Variants in WASHC2C observed in about 807,000 individuals in gnomAD.
The protein encoded by WASHC2C is WASH complex subunit 2C.
Under a neutral mutation model 142.2 loss-of-function variants are expected in WASHC2C, and 73 were observed. The ratio of observed to expected loss-of-function variants is 0.51; its 90% CI spans 0.43 to 0.62. The LOEUF (loss-of-function observed/expected upper bound fraction) is 0.62, where lower values mean the gene tolerates loss of function less well. WASHC2C is among the 20% of genes least tolerant of loss of function. WASHC2C has a pLI of 0.00. For synonymous variants in WASHC2C, 337 were observed against 565.5 expected, an observed-to-expected ratio of 0.60 and a Z score of 5.73; for missense variants, 969 against 1,531.7, an observed-to-expected ratio of 0.63 and a Z score of 6.13.
At position 45,790,518 on chromosome 10, in the gene WASHC2C, T is replaced by C. The variant is rs2058334517; in HGVS notation, c.3871T>C (p.Phe1291Leu). 1 of 1,611,828 alleles carries C rather than the reference T, an allele frequency of 6.2e-7. No homozygotes were observed. The highest frequency in any genetic ancestry group is 2.3e-4 in the Middle Eastern group (1 of 4,430). The stretch of plus-strand genomic sequence containing the variant: ...AAAGAAAGTGGAAGCCAAGTCTATA[T>C]TTGATGATGATATGGGTAAGTTTGG... ...SKKKVEAKSI[F>L]DDDMDDIFST... Residue 1291 changes from phenylalanine (F) to leucine (L), a missense_variant, in exon 30 of 31, where the codon TTT (phenylalanine) becomes CTT (leucine). Transcript: ENST00000623400.
chr10:45,785,299 A>ACT (rs1298781335), intron 25 of WASHC2C, among the ~76,000 whole-genome samples: 1 of 151,860 alleles, frequency 6.6e-6, no homozygotes, highest in East Asian at 1.9e-4. Context: ...TTTTGTAAGT[A>ACT]CTCTGTTTTC....
At chr10:45,790,560 T>C in intron 30 of WASHC2C, 27 bp downstream of exon 30, 1 of 1,612,008 alleles carries the variant, frequency 6.2e-7, no homozygotes, top group Non-Finnish European at 8.5e-7. Context: ...ACATCTGACC[T>C]AGAGAATTCT....
chr10:45,737,869 G>A (rs1452587249), intron 3 of WASHC2C, 114 bp from the exon 4 acceptor site: 4 of 1,601,002 alleles, frequency 2.5e-6, no homozygotes, highest in African/African-American at 2.7e-5. Context: ...GCCCTTTGCT[G>A]AATAACCATT....
intron 3 of WASHC2C, among the ~76,000 whole-genome samples, chr10:45,733,301 C>T (rs1357086703): frequency 6.6e-6 from 1 of 152,262 alleles, no homozygotes; most frequent in African/African-American, 2.4e-5. Context: ...GGGTCCAGCA[C>T]AAGCCTGATA....
At chr10:45,747,583 A>G (rs1242669723) in intron 8 of WASHC2C, among the ~76,000 whole-genome samples, 1 of 151,882 alleles carries the variant, frequency 6.6e-6, no homozygotes, top group Non-Finnish European at 1.5e-5. Context: ...GTAATAATGT[A>G]TTCAATATTT....
chr10:45,753,849 T>C (rs1777020935), intron 13 of WASHC2C, among the ~76,000 whole-genome samples: 2 of 151,958 alleles, frequency 1.3e-5, no homozygotes, highest in Admixed American at 1.3e-4. Context: ...TCTTTTTTTT[T>C]AACCTACAAA....
In WASHC2C at chr10:45,750,812, T is replaced by C; in HGVS notation, c.905T>C (p.Met302Thr). ...GCTGCCCGCATCAAGGGGGATGCCA[T>C]GGGTCGAGTGGACGAGGAGCCGACA... is the stretch of plus-strand genomic sequence containing the variant. ...ELAARIKGDA[M>T]GRVDEEPTTL... Residue 302 changes from methionine to threonine, a missense_variant, in exon 10 of 31, where the codon ATG becomes ACG. Physicochemically the swap from Met to Thr is moderately conservative, Grantham distance 81. Transcript: ENST00000623400. The C allele has an allele frequency of 1.3e-6, 2 of 1,548,628 alleles. No homozygotes were observed. The highest frequency in any genetic ancestry group is 1.7e-6 in the Non-Finnish European group (2 of 1,146,984).
chr10:45,727,666 C>T (rs2050031770), intron 2 of WASHC2C, 127 bp downstream of exon 2: 1 of 1,251,754 alleles, frequency 8.0e-7, no homozygotes, highest in Admixed American at 2.9e-5. Context: ...GAACACACGC[C>T]CCGTTTAGCC....
At chr10:45,739,045 C>A (rs1330312699) in intron 4 of WASHC2C, among the ~76,000 whole-genome samples, 8 of 151,708 alleles carry the variant, frequency 5.3e-5, no homozygotes, top group African/African-American at 1.9e-4. Context: ...GATTTGCTAG[C>A]CATTTAAGTG....
At chr10:45,760,104 T>C (rs2135031945) in intron 17 of WASHC2C, among the ~76,000 whole-genome samples, 1 of 143,442 alleles carries the variant, frequency 7.0e-6, no homozygotes, top group Non-Finnish European at 1.5e-5. Context: ...CCATCTGTCT[T>C]GTCGAGACTG....
intron 19 of WASHC2C, 35 bp from the exon 20 acceptor site, chr10:45,769,414 G>A (rs782802118): frequency 4.2e-5 from 66 of 1,585,884 alleles, no homozygotes; most frequent in Non-Finnish European, 8.6e-7. Context: ...CACTGCGCCT[G>A]GCCTGGAGTT....
At chr10:45,736,628 G>A (rs1319164770) in intron 3 of WASHC2C, among the ~76,000 whole-genome samples, 2 of 151,764 alleles carry the variant, frequency 1.3e-5, no homozygotes, top group East Asian at 1.9e-4. Flanking sequence ...AGCAGGAAGG[G>A]TAGGAGAGCT....
At chr10:45,745,149 A>G (rs1232747225) in intron 7 of WASHC2C, among the ~76,000 whole-genome samples, 2 of 150,390 alleles carry the variant, frequency 1.3e-5, no homozygotes, top group East Asian at 3.9e-4. Flanking sequence ...TTCACCCAAT[A>G]TATTTTTGAG....
chr10:45,754,845 G>T, intron 14 of WASHC2C, 91 bp from the exon 15 acceptor site: 1 of 1,507,470 alleles, frequency 6.6e-7, no homozygotes, highest in Non-Finnish European at 9.0e-7. Flanking sequence ...AACTGAAATG[G>T]AAAGTTTTTG....
chr10:45,746,981 C>A (rs1309602214), intron 8 of WASHC2C, among the ~76,000 whole-genome samples: 1 of 152,164 alleles, frequency 6.6e-6, no homozygotes, highest in Non-Finnish European at 1.5e-5. Flanking sequence ...GACAATCTAG[C>A]AGTAACATTA....
At chr10:45,752,248 C>T (rs1386928943) in intron 11 of WASHC2C, among the ~76,000 whole-genome samples, 1 of 152,276 alleles carries the variant, frequency 6.6e-6, no homozygotes, top group Non-Finnish European at 1.5e-5. Flanking sequence ...TTCTGCCCTT[C>T]CTTCCCCCAG....
At chr10:45,783,158 T>TA (rs1347499365) in intron 23 of WASHC2C, among the ~76,000 whole-genome samples, 1 of 150,840 alleles carries the variant, frequency 6.6e-6, no homozygotes, top group Non-Finnish European at 1.5e-5. Context: ...ATCCTTTTTA[T>TA]AGATCTAACC....
intron 2 of WASHC2C, 77 bp from the exon 3 acceptor site, chr10:45,728,785 T>C: frequency 6.8e-7 from 1 of 1,465,310 alleles, no homozygotes; most frequent in South Asian, 1.4e-5. Flanking sequence ...TGAAAGGAAA[T>C]GGGTTCTTTT....
In WASHC2C at chr10:45,754,954, G is replaced by C. The variant is rs782209581; in HGVS notation, c.1259G>C (p.Gly420Ala). 8.7e-6 allele frequency: 14 copies of C among 1,611,956 alleles called. No individual in the cohort carries two copies. Among genetic ancestry groups the C allele is most frequent in the Non-Finnish European group, 1.2e-5 (14 of 1,179,858 alleles). ...SVFLGDTDVF[G>A]AASVPSLKEP... ...CTCACAGGAGACACGGATGTGTTTG[G>C]TGCTGCCTCCGTTCCATCACTGAAG... is the stretch of plus-strand genomic sequence containing the variant. The change falls in exon 15 of 31, where the codon GGT becomes GCT. Residue 420 changes from glycine to alanine, a missense_variant. Coordinates refer to ENST00000623400, the MANE Select transcript of WASHC2C (RefSeq NM_001330074.2).
Sources: gnomAD v4.1 joint callset for allele counts (sites outside exome capture counted in the v4.1 genomes callset) on GRCh38, gnomAD v4.1.1 for gene constraint, MANE v1.5 for transcripts, NCBI Gene and HGNC (gene_info 2026-07-23, HGNC 2026-07-21) for gene names.